SART3: variants seen among roughly 807,000 people sequenced by gnomAD.
SART3 encodes the protein HIV-1 Tat-interacting protein of 110kDa.
In SART3, 44 loss-of-function variants were observed where a neutral mutation model predicts 122.3. The ratio of observed to expected loss-of-function variants is 0.36; its 90% CI spans 0.28 to 0.46. The LOEUF (loss-of-function observed/expected upper bound fraction) is 0.46, where lower values mean the gene tolerates loss of function less well. Among genes scored for constraint, SART3 ranks in the 20% least tolerant of loss-of-function variants. The probability of loss-of-function intolerance (pLI) is 1.00; values close to 1 mark genes in which losing one functional copy is unlikely to be tolerated. For synonymous variants in SART3, 442 were observed against 454.0 expected, an observed-to-expected ratio of 0.97 and a Z score of 0.34; for missense variants, 1,101 against 1,229.0, an observed-to-expected ratio of 0.90 and a Z score of 1.56.
chr12:108,559,025 TC>T (rs1364936820), intron 1 of SART3, among the ~76,000 whole-genome samples: 1 of 102,394 alleles, frequency 9.8e-6, no homozygotes, highest in Non-Finnish European at 1.8e-5. Context: ...AGAGCAAGAC[TC>T]CGTCTCAAAA....
At chr12:108,535,219 A>AC in intron 12 of SART3, 140 bp downstream of exon 12, 3 of 735,286 alleles carry the variant, frequency 4.1e-6, no homozygotes, top group Non-Finnish European at 7.5e-6. Flanking sequence ...TTAAAAATGT[A>AC]CCCACTACTG....
chr12:108,523,413 G>A lies in SART3; in HGVS notation c.*44C>T, dbSNP rs199703894. The A allele has an allele frequency of 2.5e-4, 401 of 1,605,394 alleles. No homozygotes were observed. The highest frequency in any genetic ancestry group is 8.0e-4 in the South Asian group (73 of 90,814). On this transcript the variant is annotated 3_prime_UTR_variant, in exon 19 of 19. Coordinates refer to ENST00000546815, the MANE Select transcript of SART3 (RefSeq NM_014706.4). Reference sequence around the variant, plus strand: ...ACTGCTGGGTGGTGGGAGGTCCGCCGGGCCAGAGTGAAGTAAGGCATTTCC... The same window carrying A: ...ACTGCTGGGTGGTGGGAGGTCCGCCAGGCCAGAGTGAAGTAAGGCATTTCC...
intron 1 of SART3, among the ~76,000 whole-genome samples, chr12:108,555,407 G>C (rs1831227957): frequency 6.6e-6 from 1 of 152,218 alleles, no homozygotes; most frequent in Non-Finnish European, 1.5e-5. Context: ...GCTCACACCT[G>C]TAATCCCAGC....
chr12:108,530,533 A>C lies in SART3; in HGVS notation c.1747-223T>G, dbSNP rs866589075. 4.0e-4 allele frequency among the ~76,000 whole-genome samples: 61 copies of C among 152,120 alleles called. 1 individual carries two copies. The highest frequency in any genetic ancestry group is 1.3e-3 in the African/African-American group (54 of 41,438). On this transcript the variant is annotated intron_variant, in intron 14 of 18. Transcript: ENST00000546815. ...TTACATTAGCAATTTCCTCACCCTA[A>C]TCATTACTCACCAAAAGGAAGGCAA... is the stretch of plus-strand genomic sequence containing the variant.
chr12:108,538,503 C>T (rs1472616486), intron 7 of SART3, among the ~76,000 whole-genome samples: 5 of 152,106 alleles, frequency 3.3e-5, no homozygotes, highest in South Asian at 4.1e-4. Flanking sequence ...TATTTACCAA[C>T]GAAATATCAT....
rs762789799 is a variant in SART3, at chr12:108,526,178, T to G, written c.2291A>C (p.Glu764Ala). The G allele has an allele frequency of 3.1e-6, 5 of 1,614,196 alleles. No homozygotes were observed. Among genetic ancestry groups the G allele is most frequent in the Middle Eastern group, 1.6e-4 (1 of 6,062 alleles). The change falls in exon 16 of 19, where the codon GAG becomes GCG. Residue 764 changes from glutamate to alanine, a missense_variant. Physicochemically the swap from Glu to Ala is moderately radical, Grantham distance 107. This residue lies in a region of SART3 where 885 missense variants were observed against 1,080.1 expected (regional missense o/e 0.82). Coordinates refer to ENST00000546815, the MANE Select transcript of SART3 (RefSeq NM_014706.4). ...KEEKSALQAL[E>A]MDRKSVEGRP... ...CCCTTCTACACTTTTCCGGTCCATC[T>G]CCAGTGCCTGAAGGGCTGATTTCTC...
At chr12:108,524,791 G>T in intron 17 of SART3, 1 of 506,732 alleles carries the variant, frequency 2.0e-6, no homozygotes, top group South Asian at 2.1e-5. Context: ...GAAGGAAAAA[G>T]ACAGATGGAC....
intron 1 of SART3, chr12:108,549,446 G>C: frequency 2.0e-6 from 1 of 503,598 alleles, no homozygotes; most frequent in Non-Finnish European, 3.6e-6. Flanking sequence ...CCTGTTAGAA[G>C]ACATTTGGGT....
chr12:108,557,829 T>G (rs544019484), intron 1 of SART3, among the ~76,000 whole-genome samples: 1 of 152,332 alleles, frequency 6.6e-6, no homozygotes, highest in East Asian at 1.9e-4. Flanking sequence ...AAATATTTGC[T>G]TTTGTTAGAC....
Position 108,545,237 on chromosome 12 carries a change from C to T in SART3, c.631G>A (p.Glu211Lys). The T allele has an allele frequency of 6.2e-7, 1 of 1,614,198 alleles. No homozygotes were observed. The change falls in exon 4 of 19, where the codon GAA becomes AAA. Residue 211 changes from glutamate (E) to lysine (K), a missense_variant. Coordinates refer to ENST00000546815, the MANE Select transcript of SART3 (RefSeq NM_014706.4). ...AAACCAACAGACGAGAGAGCCCTTT[C>T]AAACACGGAGCGAACTTTCTCAAGG... ...GGLEKVRSVF[E>K]RALSSVGLHM...
At chr12:108,535,338 C>T (rs879045850) in intron 12 of SART3, 21 bp downstream of exon 12, 2 of 1,598,126 alleles carry the variant, frequency 1.3e-6, no homozygotes, top group Non-Finnish European at 1.7e-6. Flanking sequence ...CTGCCTCCCT[C>T]CCCACCCCGA....
intron 1 of SART3, among the ~76,000 whole-genome samples, chr12:108,553,482 A>T (rs1306868537): frequency 3.3e-5 from 5 of 152,230 alleles, no homozygotes; most frequent in Middle Eastern, 3.2e-3. Context: ...ATATAGGGAT[A>T]ATTTAAGTCT....
In SART3 at chr12:108,530,320, T is replaced by C. The variant is rs113704465; in HGVS notation, c.1747-10A>G. On this transcript the variant is annotated splice_polypyrimidine_tract_variant and intron_variant, in intron 14 of 18. Coordinates refer to ENST00000546815, the MANE Select transcript of SART3 (RefSeq NM_014706.4). Reference sequence around the variant, plus strand: ...CTTCCTTCTCTGCAGCCTAGAAAAGTGGGAAGATGATGCATCGCTGGATGT... The same window carrying C: ...CTTCCTTCTCTGCAGCCTAGAAAAGCGGGAAGATGATGCATCGCTGGATGT... 6.2e-7 allele frequency: 1 copy of C among 1,613,826 alleles called. No individual in the cohort carries two copies.
Position 108,532,295 on chromosome 12 carries a change from G to A in SART3, c.1596C>T (p.His532=), listed in dbSNP as rs549740720. 7.4e-6 allele frequency: 12 copies of A among 1,614,160 alleles called. No individual in the cohort carries two copies. The highest frequency in any genetic ancestry group is 6.7e-5 in the African/African-American group (5 of 75,066). Residue 532 remains histidine, a synonymous_variant, in exon 13 of 19, where the codon CAC becomes CAT. Transcript: ENST00000546815. ...AGTCACTGGTGCACTGGACGGCCCG[G>A]TGCAGAGCCTTCCGGCAGTGCTGGG... The part of the protein sequence containing the change: ...GDTQHCRKAL[H]RAVQCTSDYP...
Position 108,561,132 on chromosome 12 carries a change from G to T in SART3, c.23C>A (p.Ser8Ter). The change falls in exon 1 of 19, where the codon TCG (serine) becomes TAG (stop). Residue 8 changes from serine (S) to a stop codon, truncating the protein, a stop_gained. Coordinates refer to ENST00000546815, the MANE Select transcript of SART3 (RefSeq NM_014706.4). LOFTEE classifies it high-confidence loss of function. ...GGACTCAGCCTCGGGTTCTGAAGCC[G>T]AGGTTTCGGCCGCAGTCGCCATCTT... is the stretch of plus-strand genomic sequence containing the variant. MATAAET[S>*]ASEPEAESKA... is the part of the protein sequence containing the mutation. 1.2e-6 allele frequency: 2 copies of T among 1,613,422 alleles called. No individual in the cohort carries two copies. Among genetic ancestry groups the T allele is most frequent in the Non-Finnish European group, 1.7e-6 (2 of 1,179,362 alleles).
intron 9 of SART3, chr12:108,537,003 CAG>C (rs1364190105): frequency 5.3e-6 from 3 of 565,272 alleles, no homozygotes; most frequent in Non-Finnish European, 9.6e-6. Context: ...AAGGCAAACA[CAG>C]GGTGCTGTGG....
intron 2 of SART3, among the ~76,000 whole-genome samples, chr12:108,548,863 G>A (rs750143734): frequency 2.1e-4 from 32 of 152,314 alleles, no homozygotes; most frequent in Admixed American, 5.2e-4. Flanking sequence ...TTACCACAAC[G>A]TTAGAATAAA....
chr12:108,560,471 G>A (rs568645484), intron 1 of SART3: 1 of 376,822 alleles, frequency 2.7e-6, no homozygotes, highest in South Asian at 1.3e-4. Flanking sequence ...TTGCGAATGA[G>A]TTTATTTCTA....
Position 108,529,089 on chromosome 12 carries a change from C to T in SART3, c.1915+1053G>A, listed in dbSNP as rs148375181. 2.3e-3 allele frequency among the ~76,000 whole-genome samples: 352 copies of T among 152,252 alleles called. 1 individual carries two copies. Among genetic ancestry groups the T allele is most frequent in the African/African-American group, 7.2e-3 (298 of 41,542 alleles). On this transcript the variant is annotated intron_variant, in intron 15 of 18. Coordinates refer to ENST00000546815, the MANE Select transcript of SART3 (RefSeq NM_014706.4). ...AGTGAGCCAAGATCACCCCACTGCA[C>T]TCCAGCCTGGGCAACAAAGCGAGAC...
Sources: gnomAD v4.1 joint callset for allele counts (sites outside exome capture counted in the v4.1 genomes callset) on GRCh38, gnomAD v4.1.1 for gene constraint, gnomAD v4.1.1 regional missense constraint, MANE v1.5 for transcripts, NCBI Gene and HGNC (gene_info 2026-07-23, HGNC 2026-07-21) for gene names.